Variants in CTNNA3 observed in about 807,000 individuals in gnomAD.
CTNNA3 encodes catenin alpha 3, also known as catenin alpha-3.
A neutral mutation model predicts 95.7 loss-of-function variants in CTNNA3; 76 were observed. The ratio of observed to expected loss-of-function variants is 0.79; its 90% CI spans 0.66 to 0.96. The LOEUF (loss-of-function observed/expected upper bound fraction) is 0.96. Ranked by LOEUF, CTNNA3 falls within the 40% of genes least tolerant of loss-of-function variation. The pLI is 0.00. For synonymous variants in CTNNA3, 431 were observed against 374.4 expected, an observed-to-expected ratio of 1.15 and a Z score of -1.74; for missense variants, 1,191 against 1,089.8, an observed-to-expected ratio of 1.09 and a Z score of -1.31.
At chr10:66,214,026 T>G (rs1460711339) in intron 13 of CTNNA3, among the ~76,000 whole-genome samples, 1 of 152,136 alleles carries the variant, frequency 6.6e-6, no homozygotes, top group Non-Finnish European at 1.5e-5. Flanking sequence ...GCTGTGTAAT[T>G]TTGAAAGGAT....
chr10:67,485,147 T>C (rs192110849), intron 5 of CTNNA3, among the ~76,000 whole-genome samples: 44 of 152,192 alleles, frequency 2.9e-4, no homozygotes, highest in Admixed American at 7.9e-4. Flanking sequence ...ATAAAAAAGA[T>C]TGAAGTTGTG....
chr10:66,635,345 G>T (rs905504820), intron 9 of CTNNA3, among the ~76,000 whole-genome samples: 2 of 152,082 alleles, frequency 1.3e-5, no homozygotes, highest in African/African-American at 4.8e-5. Context: ...TATGAAGCAT[G>T]CAGGTCTAAT....
chr10:66,478,764 C>T (rs1285653392), intron 11 of CTNNA3, among the ~76,000 whole-genome samples: 1 of 151,726 alleles, frequency 6.6e-6, no homozygotes, highest in African/African-American at 2.4e-5. Flanking sequence ...TTATTCCTCA[C>T]CCAACATCCA....
chr10:66,464,964 T>G (rs1454613761), intron 11 of CTNNA3, among the ~76,000 whole-genome samples: 2 of 152,044 alleles, frequency 1.3e-5, no homozygotes, highest in African/African-American at 2.4e-5. Flanking sequence ...AAAGTGGTAA[T>G]GCTGATTTTC....
intron 7 of CTNNA3, among the ~76,000 whole-genome samples, chr10:66,845,718 A>T (rs1218262728): frequency 3.3e-4 from 41 of 123,906 alleles, no homozygotes; most frequent in Middle Eastern, 3.9e-3. Flanking sequence ...AAAAAAAAAA[A>T]AAAAAAAAAA....
At chr10:67,637,835 G>A (rs866588555) in intron 2 of CTNNA3, among the ~76,000 whole-genome samples, 9 of 146,718 alleles carry the variant, frequency 6.1e-5, no homozygotes, top group Middle Eastern at 6.8e-3. Flanking sequence ...GTCACCAACA[G>A]GCCTGCCTAA....
At chr10:66,058,267 G>C (rs566841540) in intron 15 of CTNNA3, among the ~76,000 whole-genome samples, 1 of 152,226 alleles carries the variant, frequency 6.6e-6, no homozygotes, top group Admixed American at 6.5e-5. Context: ...GGCCAGGTGA[G>C]TTTCCTCCCT....
chr10:66,978,552 A>AAAAAAAAAAAAAAAATATATATATAT, intron 7 of CTNNA3, among the ~76,000 whole-genome samples: 1 of 37,866 alleles, frequency 2.6e-5, no homozygotes, highest in Non-Finnish European at 4.8e-5. Context: ...AAAAAAAAAA[A>AAAAAAAAAAAAAAAATATATATATAT]ATATATATAT....
chr10:67,715,396 A>G (rs545575685), intron 1 of CTNNA3, among the ~76,000 whole-genome samples: 5 of 152,304 alleles, frequency 3.3e-5, no homozygotes, highest in South Asian at 2.1e-4. Context: ...TAAGACTAGG[A>G]GAACTGACCA....
intron 13 of CTNNA3, among the ~76,000 whole-genome samples, chr10:66,175,082 T>C (rs1472419139): frequency 6.6e-6 from 1 of 152,042 alleles, no homozygotes; most frequent in Non-Finnish European, 1.5e-5. Flanking sequence ...CCAATTTCAA[T>C]TCCTTGGGGT....
chr10:66,060,015 T>G (rs1175765471), intron 15 of CTNNA3, among the ~76,000 whole-genome samples: 3 of 152,100 alleles, frequency 2.0e-5, no homozygotes, highest in Non-Finnish European at 4.4e-5. Context: ...TATTATTTAT[T>G]CAAGGAAGAG....
intron 7 of CTNNA3, among the ~76,000 whole-genome samples, chr10:66,833,061 T>C (rs1216617139): frequency 6.6e-6 from 1 of 152,210 alleles, no homozygotes; most frequent in East Asian, 1.9e-4. Context: ...TTTATTTATA[T>C]CCATGTTATA....
intron 7 of CTNNA3, among the ~76,000 whole-genome samples, chr10:67,163,295 T>C (rs10997538): frequency 1.3e-5 from 2 of 151,802 alleles, no homozygotes; most frequent in African/African-American, 2.4e-5. Flanking sequence ...TATTCCAGGG[T>C]TGCAAGGCTA....
intron 13 of CTNNA3, among the ~76,000 whole-genome samples, chr10:66,274,637 G>T (rs151110169): frequency 6.6e-6 from 1 of 152,136 alleles, no homozygotes; most frequent in South Asian, 2.1e-4. Flanking sequence ...ATTTTCTGAG[G>T]TGTTGGCTAT....
chr10:65,949,486 G>T (rs932474548), intron 17 of CTNNA3, among the ~76,000 whole-genome samples: 6 of 152,032 alleles, frequency 3.9e-5, no homozygotes, highest in African/African-American at 1.4e-4. Context: ...GCTACTATTT[G>T]TCTCTTGAGT....
chr10:67,334,903 T>A (rs550755274), intron 5 of CTNNA3: 2 of 157,788 alleles, frequency 1.3e-5, no homozygotes, highest in South Asian at 1.9e-4. Flanking sequence ...CACTGTTGAG[T>A]TTTCTGTGCA....
intron 7 of CTNNA3, among the ~76,000 whole-genome samples, chr10:66,802,957 G>T (rs1406973160): frequency 6.6e-6 from 1 of 151,872 alleles, no homozygotes; most frequent in African/African-American, 2.4e-5. Flanking sequence ...AGGGGTTGTG[G>T]TGTATAAGAT....
intron 10 of CTNNA3, among the ~76,000 whole-genome samples, chr10:66,618,040 C>T (rs992708503): frequency 6.6e-6 from 1 of 151,402 alleles, no homozygotes; most frequent in Non-Finnish European, 1.5e-5. Flanking sequence ...AACTACAAAC[C>T]ACTGCTCAAG....
At position 66,547,343 on chromosome 10, in the gene CTNNA3, C is replaced by CTTTT. The variant is rs1246714246; in HGVS notation, c.1375-26571_1375-26570insAAAA. ...ATTCTTGTTCCTTTGATTTTTCTTTCTTTCTTTTTTTTTTTTTTGAGATAG... is the reference window on the plus strand; with the variant it reads ...ATTCTTGTTCCTTTGATTTTTCTTTCTTTTTTTCTTTTTTTTTTTTTTGAGATAG... On this transcript the variant is annotated intron_variant, in intron 10 of 17. Transcript: ENST00000433211. 5.9e-4 allele frequency among the ~76,000 whole-genome samples: 49 copies of CTTTT among 83,168 alleles called. 10 individuals are homozygous for CTTTT. The highest frequency in any genetic ancestry group is 2.2e-3 in the East Asian group (5 of 2,302). The allele number at this position is 83,168 out of a possible 152,430, so 54.6% of individuals were successfully genotyped here. A position where few individuals can be genotyped will look rare whatever the true frequency, so the allele number is the denominator to read the frequency against.
Sources: gnomAD v4.1 joint callset for allele counts (sites outside exome capture counted in the v4.1 genomes callset) on GRCh38, gnomAD v4.1.1 for gene constraint, MANE v1.5 for transcripts, NCBI Gene and HGNC (gene_info 2026-07-23, HGNC 2026-07-21) for gene names.